Variants in SLC8A3 observed in about 807,000 individuals in gnomAD.
SLC8A3 encodes the protein solute carrier family 8 member A3.
Under a neutral mutation model 65.4 loss-of-function variants are expected in SLC8A3, and 37 were observed. That is an observed-to-expected ratio of 0.57 (90% CI 0.44 to 0.74). The LOEUF (loss-of-function observed/expected upper bound fraction) is 0.74, where lower values mean the gene tolerates loss of function less well. SLC8A3 is among the 30% of genes least tolerant of loss of function. The pLI, the probability that SLC8A3 is intolerant of heterozygous loss-of-function variation, is 0.00. For missense variants in SLC8A3, 1,112 were observed against 1,172.1 expected (o/e 0.95, Z 0.75); for synonymous variants, 461 against 444.5 (o/e 1.04, Z -0.47).
chr14:70,145,474 T>A (rs1895869207), intron 2 of SLC8A3, among the ~76,000 whole-genome samples: 1 of 152,214 alleles, frequency 6.6e-6, no homozygotes. Context: ...TCAGGTCTGC[T>A]GTTTCATTTT....
intron 1 of SLC8A3, among the ~76,000 whole-genome samples, chr14:70,183,581 G>T (rs1186508003): frequency 6.6e-6 from 1 of 152,190 alleles, no homozygotes; most frequent in Non-Finnish European, 1.5e-5. Flanking sequence ...CATCTGCCCA[G>T]TGTTGAGTTT....
At chr14:70,173,033 A>C (rs1234014992) in intron 1 of SLC8A3, among the ~76,000 whole-genome samples, 1 of 152,220 alleles carries the variant, frequency 6.6e-6, no homozygotes, top group Non-Finnish European at 1.5e-5. Context: ...CAGGAGGCCC[A>C]GTAGATGAGG....
At chr14:70,069,352 C>G (rs1469337209) in intron 2 of SLC8A3, among the ~76,000 whole-genome samples, 1 of 152,190 alleles carries the variant, frequency 6.6e-6, no homozygotes, top group African/African-American at 2.4e-5. Context: ...GGCTGGGCTT[C>G]TGACTCTGTG....
At chr14:70,093,208 G>A (rs560580917) in intron 2 of SLC8A3, among the ~76,000 whole-genome samples, 1 of 152,326 alleles carries the variant, frequency 6.6e-6, no homozygotes, top group East Asian at 1.9e-4. Flanking sequence ...AGAAGTGTTG[G>A]CTATTTCTTA....
intron 2 of SLC8A3, among the ~76,000 whole-genome samples, chr14:70,064,601 GC>G (rs1275326384): frequency 6.6e-6 from 1 of 152,052 alleles, no homozygotes; most frequent in African/African-American, 2.4e-5. Flanking sequence ...ACACATTCTG[GC>G]AATTCACAGA....
chr14:70,148,231 C>T (rs574348772), intron 2 of SLC8A3, among the ~76,000 whole-genome samples: 89 of 152,246 alleles, frequency 5.8e-4, no homozygotes, highest in African/African-American at 1.7e-3. Context: ...TAAGCTATCA[C>T]GTTCTGTGGG....
intron 2 of SLC8A3, among the ~76,000 whole-genome samples, chr14:70,102,596 G>C (rs992086080): frequency 1.3e-5 from 2 of 152,084 alleles, no homozygotes; most frequent in African/African-American, 4.8e-5. Flanking sequence ...ACCTAATATT[G>C]TGGTCATAAT....
In SLC8A3 at chr14:70,082,750, C is replaced by A. The variant is rs111457684; in HGVS notation, c.1785-21811G>T. On this transcript the variant is annotated intron_variant, in intron 2 of 6. Transcript: ENST00000356921. ...ACTGAGGCTAGCTTAAGCCATCAAGCATTCCTCTGAACCAAAGGGAAAATG... is the reference window on the plus strand; with the variant it reads ...ACTGAGGCTAGCTTAAGCCATCAAGAATTCCTCTGAACCAAAGGGAAAATG... Among the ~76,000 whole-genome samples the A allele has an allele frequency of 2.9e-3, 437 of 152,282 alleles. 2 individuals are homozygous for A. Among genetic ancestry groups the A allele is most frequent in the African/African-American group, 1.0e-2 (415 of 41,558 alleles).
At chr14:70,075,309 C>T (rs1374956879) in intron 2 of SLC8A3, among the ~76,000 whole-genome samples, 1 of 152,214 alleles carries the variant, frequency 6.6e-6, no homozygotes, top group Non-Finnish European at 1.5e-5. Context: ...TTCCTTTTCT[C>T]TCTCACCAGA....
At chr14:70,156,368 T>C (rs1476602781) in intron 2 of SLC8A3, among the ~76,000 whole-genome samples, 1 of 152,228 alleles carries the variant, frequency 6.6e-6, no homozygotes, top group African/African-American at 2.4e-5. Context: ...TGCATCTCAG[T>C]GAAATGGAGA....
chr14:70,140,038 G>A (rs548498696), intron 2 of SLC8A3, among the ~76,000 whole-genome samples: 1 of 152,184 alleles, frequency 6.6e-6, no homozygotes, highest in South Asian at 2.1e-4. Context: ...GACTTTTAAT[G>A]GTAAAAATTG....
At chr14:70,155,648 A>T (rs1896533227) in intron 2 of SLC8A3, among the ~76,000 whole-genome samples, 2 of 152,254 alleles carry the variant, frequency 1.3e-5, no homozygotes, top group Admixed American at 1.3e-4. Flanking sequence ...TAGAAGTTTT[A>T]TTATGTAAGA....
chr14:70,131,893 G>T (rs974369011), intron 2 of SLC8A3, among the ~76,000 whole-genome samples: 5 of 152,156 alleles, frequency 3.3e-5, no homozygotes, highest in African/African-American at 1.2e-4. Context: ...CCACAGAGAA[G>T]GAAGTGGAGG....
intron 2 of SLC8A3, among the ~76,000 whole-genome samples, chr14:70,149,402 G>A (rs926083753): frequency 1.1e-4 from 16 of 152,290 alleles, no homozygotes; most frequent in African/African-American, 3.6e-4. Context: ...AGATCACTTG[G>A]CCATTAAGAG....
intron 2 of SLC8A3, among the ~76,000 whole-genome samples, chr14:70,123,514 A>G (rs1894225196): frequency 6.6e-6 from 1 of 150,472 alleles, no homozygotes; most frequent in African/African-American, 2.4e-5. Flanking sequence ...CAATGGTGCA[A>G]TCTTGGCTCA....
In SLC8A3 at chr14:70,097,298, A is replaced by C. The variant is rs569365631; in HGVS notation, c.1785-36359T>G. On this transcript the variant is annotated intron_variant, in intron 2 of 6. Transcript: ENST00000356921. Reference sequence around the variant, plus strand: ...AAGCATTTTCCTTTAAAAAAAAAAAAAAAACACCTCTTTGAAGATGAATGA... The same window carrying C: ...AAGCATTTTCCTTTAAAAAAAAAAACAAAACACCTCTTTGAAGATGAATGA... Among the ~76,000 whole-genome samples the C allele has an allele frequency of 6.0e-3, 921 of 152,264 alleles. 7 individuals are homozygous for C. Among genetic ancestry groups the C allele is most frequent in the African/African-American group, 0.015 (605 of 41,542 alleles).
intron 2 of SLC8A3, among the ~76,000 whole-genome samples, chr14:70,125,820 AT>A (rs1005580445): frequency 2.6e-5 from 4 of 152,130 alleles, no homozygotes; most frequent in African/African-American, 9.7e-5. Context: ...ATGGGTTCTG[AT>A]TTAATTAGTC....
At chr14:70,151,752 C>CAAGG (rs1566814262) in intron 2 of SLC8A3, among the ~76,000 whole-genome samples, 1 of 152,190 alleles carries the variant, frequency 6.6e-6, no homozygotes, top group African/African-American at 2.4e-5. Context: ...GGACTGATTC[C>CAAGG]TTCTAGAGGT....
At chr14:70,153,498 C>CA (rs1003111064) in intron 2 of SLC8A3, among the ~76,000 whole-genome samples, 128 of 152,102 alleles carry the variant, frequency 8.4e-4, no homozygotes, top group Non-Finnish European at 4.7e-4. Flanking sequence ...GAATCCCTGA[C>CA]AAAAAAACAA....
Sources: gnomAD v4.1 joint callset for allele counts (sites outside exome capture counted in the v4.1 genomes callset) on GRCh38, gnomAD v4.1.1 for gene constraint, MANE v1.5 for transcripts, NCBI Gene and HGNC (gene_info 2026-07-23, HGNC 2026-07-21) for gene names.